Variants in C11orf54 observed in about 807,000 individuals in gnomAD.
The protein encoded by C11orf54 is beta-keto L-gulonate decarboxylase.
C11orf54 carries 29 observed loss-of-function variants against 35.5 expected under a neutral mutation model. That is an observed-to-expected ratio of 0.82 (90% CI 0.61 to 1.11). The LOEUF (loss-of-function observed/expected upper bound fraction) is 1.11, where lower values mean the gene tolerates loss of function less well. Among genes scored for constraint, C11orf54 ranks in the 50% most tolerant of loss-of-function variants. The probability of loss-of-function intolerance (pLI) is 0.00; values close to 1 mark genes in which losing one functional copy is unlikely to be tolerated. For synonymous variants in C11orf54, 108 were observed against 121.1 expected, an observed-to-expected ratio of 0.89 and a Z score of 0.71; for missense variants, 373 against 369.2, an observed-to-expected ratio of 1.01 and a Z score of -0.08.
Position 93,761,583 on chromosome 11 carries a change from T to C in C11orf54, c.843T>C (p.Tyr281=). 6.2e-7 allele frequency: 1 copy of C among 1,613,338 alleles called. No homozygotes were observed. Among genetic ancestry groups the C allele is most frequent in the Non-Finnish European group, 8.5e-7 (1 of 1,179,642 alleles). ...ATGGAGAAGGTGGACACTACCATTA[T>C]GACACTACTCCAGATATAGTGGAAT... ...SRHGEGGHYH[Y]DTTPDIVEYL... The change falls in exon 9 of 9, where the codon TAT becomes TAC. Residue 281 remains tyrosine, a synonymous_variant. Transcript: ENST00000354421.
In C11orf54 at chr11:93,763,909, G is replaced by A. The variant is rs1015876399; in HGVS notation, c.*2221G>A. The A allele has an allele frequency of 2.6e-5, 4 of 152,242 alleles. No individual in the cohort carries two copies. Among genetic ancestry groups the A allele is most frequent in the African/African-American group, 9.6e-5 (4 of 41,452 alleles). The allele number at this position is 152,242 out of a possible 1,614,324, so 9.4% of individuals were successfully genotyped here. A position where few individuals can be genotyped will look rare whatever the true frequency, so the allele number is the denominator to read the frequency against. On this transcript the variant is annotated 3_prime_UTR_variant, in exon 9 of 9. Transcript: ENST00000354421. ...GGAGACTGACTTGGAGTTTTTTGGTGGTTAGGGAGTAGGGCCAGAGTGATG... is the reference window on the plus strand; with the variant it reads ...GGAGACTGACTTGGAGTTTTTTGGTAGTTAGGGAGTAGGGCCAGAGTGATG...
intron 1 of C11orf54, among the ~76,000 whole-genome samples, chr11:93,745,203 T>G (rs1591329983): frequency 6.6e-6 from 1 of 152,298 alleles, no homozygotes; most frequent in Middle Eastern, 3.4e-3. Context: ...GAGGCCTTCC[T>G]CTTTTACTAA....
rs764239792 is a variant in C11orf54, at chr11:93,762,527, T to A, written c.*839T>A. 1 of 152,176 alleles carries A rather than the reference T, an allele frequency of 6.6e-6. No individual in the cohort carries two copies. Among genetic ancestry groups the A allele is most frequent in the African/African-American group, 2.4e-5 (1 of 41,440 alleles). 9.4% of individuals were successfully genotyped at this position (152,176 alleles called of 1,614,324 possible). On this transcript the variant is annotated 3_prime_UTR_variant, in exon 9 of 9. Transcript: ENST00000354421. ...GTGGCTGAAGCCTGTGATCCCAGCA[T>A]GTTGGGAGGCCGAGTGGGAGGATTG...
chr11:93,761,708 G>A lies in C11orf54; in HGVS notation c.*20G>A. On this transcript the variant is annotated 3_prime_UTR_variant, in exon 9 of 9. Transcript: ENST00000354421. ...GATTAAATCAGCTGATACTTATTTAGAAAAAGAAATAATTAAGGTTAATTA... is the reference window on the plus strand; with the variant it reads ...GATTAAATCAGCTGATACTTATTTAAAAAAAGAAATAATTAAGGTTAATTA... 3.3e-6 allele frequency: 5 copies of A among 1,509,068 alleles called. No homozygotes were observed. Among genetic ancestry groups the A allele is most frequent in the Admixed American group, 4.8e-5 (2 of 41,768 alleles). The allele number at this position is 1,509,068 out of a possible 1,614,324, so 93.5% of individuals were successfully genotyped here. A position where few individuals can be genotyped will look rare whatever the true frequency, so the allele number is the denominator to read the frequency against.
intron 2 of C11orf54, among the ~76,000 whole-genome samples, chr11:93,749,634 G>A (rs1475231075): frequency 6.6e-6 from 1 of 151,652 alleles, no homozygotes; most frequent in Non-Finnish European, 1.5e-5. Flanking sequence ...GGGCAATATA[G>A]CAAGACCTGG....
chr11:93,760,554 T>C (rs1943403901), intron 8 of C11orf54, among the ~76,000 whole-genome samples: 1 of 152,136 alleles, frequency 6.6e-6, no homozygotes, highest in African/African-American at 2.4e-5. Flanking sequence ...GATTCAGGTC[T>C]CCTGTCATCT....
At chr11:93,753,903 G>T (rs758726243) in intron 4 of C11orf54, 33 bp from the exon 5 acceptor site, 22 of 1,595,156 alleles carry the variant, frequency 1.4e-5, no homozygotes, top group Admixed American at 1.7e-5. Context: ...TGTACAAGTT[G>T]TGACTTAAAT....
At chr11:93,756,436 C>T (rs1002941346) in intron 6 of C11orf54, among the ~76,000 whole-genome samples, 7 of 146,722 alleles carry the variant, frequency 4.8e-5, no homozygotes, top group Non-Finnish European at 7.4e-5. Flanking sequence ...GAGGCCGCAA[C>T]GAGCTATGAT....
intron 1 of C11orf54, chr11:93,746,691 ATTCCATAAAAGT>A (rs1461792500): frequency 1.3e-5 from 2 of 152,230 alleles, no homozygotes; most frequent in East Asian, 3.8e-4. Context: ...AAGGCTAATC[ATTCCATAAAAGT>A]TTCCATTTCT....
In C11orf54 at chr11:93,764,298, A is replaced by G. The variant is rs1037879532; in HGVS notation, c.*2610A>G. 2 of 152,112 alleles carry G rather than the reference A, an allele frequency of 1.3e-5. No homozygotes were observed. The highest frequency in any genetic ancestry group is 4.8e-5 in the African/African-American group (2 of 41,408). 9.4% of individuals were successfully genotyped at this position (152,112 alleles called of 1,614,324 possible). On this transcript the variant is annotated 3_prime_UTR_variant, in exon 9 of 9. Coordinates refer to ENST00000354421, the MANE Select transcript of C11orf54 (RefSeq NM_001286069.2). ...TCCAGGTGTAGAGATCATCTGAAGC[A>G]GTCCTGGGCCTCTTCACACTACAGA...
At chr11:93,743,994 C>T (rs1426292378) in intron 1 of C11orf54, among the ~76,000 whole-genome samples, 1 of 152,196 alleles carries the variant, frequency 6.6e-6, no homozygotes, top group Non-Finnish European at 1.5e-5. Context: ...CACACATAAA[C>T]ACTCACATAC....
At chr11:93,756,525 C>A (rs1475146860) in intron 6 of C11orf54, among the ~76,000 whole-genome samples, 2 of 151,130 alleles carry the variant, frequency 1.3e-5, no homozygotes, top group Non-Finnish European at 2.9e-5. Context: ...GTAAGCAAGA[C>A]CTTTTTCTGA....
At position 93,764,728 on chromosome 11, in the gene C11orf54, A is replaced by T. The variant is rs1230193197; in HGVS notation, c.*3040A>T. 1 of 152,190 alleles carries T rather than the reference A, an allele frequency of 6.6e-6. No individual in the cohort carries two copies. Among genetic ancestry groups the T allele is most frequent in the Non-Finnish European group, 1.5e-5 (1 of 68,044 alleles). The allele number at this position is 152,190 out of a possible 1,614,324, so 9.4% of individuals were successfully genotyped here. ...CTCTCAAATTGCTGGGATTACAGGC[A>T]TGAGGCACTGCACCTCACCCAAAGT... On this transcript the variant is annotated 3_prime_UTR_variant, in exon 9 of 9. Transcript: ENST00000354421.
intron 5 of C11orf54, 68 bp downstream of exon 5, chr11:93,754,105 T>A (rs1942997711): frequency 7.4e-7 from 1 of 1,347,038 alleles, no homozygotes; most frequent in Admixed American, 1.9e-5. Context: ...TTGCTTTTAG[T>A]GCCAAAAATC....
intron 7 of C11orf54, among the ~76,000 whole-genome samples, chr11:93,758,700 G>A (rs1436806086): frequency 6.6e-6 from 1 of 152,250 alleles, no homozygotes; most frequent in East Asian, 1.9e-4. Flanking sequence ...TGGATTTGGG[G>A]CGCTGACACG....
At chr11:93,742,523 G>C (rs1487340056) in intron 1 of C11orf54, among the ~76,000 whole-genome samples, 2 of 152,098 alleles carry the variant, frequency 1.3e-5, no homozygotes, top group Non-Finnish European at 2.9e-5. Context: ...GACCTCAGGT[G>C]ATCCTCCCGC....
intron 3 of C11orf54, among the ~76,000 whole-genome samples, chr11:93,753,353 A>C (rs569872270): frequency 1.0e-4 from 11 of 108,624 alleles, no homozygotes; most frequent in African/African-American, 2.9e-4. Context: ...AAACCACCCC[A>C]AAATAGATTT....
At chr11:93,754,682 T>G (rs560867820) in intron 5 of C11orf54, among the ~76,000 whole-genome samples, 1 of 150,484 alleles carries the variant, frequency 6.6e-6, no homozygotes, top group African/African-American at 2.4e-5. Context: ...TAAAATAAGA[T>G]ATTTAACGCA....
At chr11:93,743,524 C>T (rs1942273952) in intron 1 of C11orf54, among the ~76,000 whole-genome samples, 3 of 152,136 alleles carry the variant, frequency 2.0e-5, no homozygotes, top group South Asian at 2.1e-4. Context: ...GTCACCCAGG[C>T]CTGCTGCGCT....
Sources: gnomAD v4.1 joint callset for allele counts (sites outside exome capture counted in the v4.1 genomes callset) on GRCh38, gnomAD v4.1.1 for gene constraint, MANE v1.5 for transcripts, NCBI Gene and HGNC (gene_info 2026-07-23, HGNC 2026-07-21) for gene names.